The following CERS5 variants were observed in gnomAD, a reference collection of about 807,000 sequenced individuals.
CERS5 encodes LAG1 homolog, ceramide synthase 5.
A neutral mutation model predicts 58.9 loss-of-function variants in CERS5; 37 were observed. That is an observed-to-expected ratio of 0.63 (90% CI 0.48 to 0.83). The LOEUF (loss-of-function observed/expected upper bound fraction) is 0.83. Among genes scored for constraint, CERS5 ranks in the 40% least tolerant of loss-of-function variants. CERS5 has a pLI of 0.00. For synonymous variants in CERS5, 147 were observed against 177.8 expected, an observed-to-expected ratio of 0.83 and a Z score of 1.38; for missense variants, 398 against 489.3, an observed-to-expected ratio of 0.81 and a Z score of 1.76.
At chr12:50,142,856 C>G (rs1270682829) in intron 3 of CERS5, among the ~76,000 whole-genome samples, 1 of 152,136 alleles carries the variant, frequency 6.6e-6, no homozygotes, top group Admixed American at 6.5e-5. Flanking sequence ...GAAAAGGGAA[C>G]AAAATAGAAC....
At chr12:50,145,636 T>G (rs7138945) in intron 1 of CERS5, among the ~76,000 whole-genome samples, 52,083 of 151,846 alleles carry the variant, frequency 0.34, 9,194 homozygotes, top group Middle Eastern at 0.4. Flanking sequence ...TTTAGCCACA[T>G]CTGTAACACA....
chr12:50,156,819 G>A (rs941921840), intron 1 of CERS5, among the ~76,000 whole-genome samples: 2 of 152,202 alleles, frequency 1.3e-5, no homozygotes, highest in Non-Finnish European at 2.9e-5. Flanking sequence ...GGCTGAGGCA[G>A]GTGGACTGAT....
intron 9 of CERS5, 79 bp downstream of exon 9, chr12:50,134,467 G>A (rs1415464654): frequency 6.2e-7 from 1 of 1,611,760 alleles, no homozygotes; most frequent in South Asian, 1.1e-5. Flanking sequence ...GGGCTCACCA[G>A]GTTTGATGGA....
At chr12:50,133,239 G>A in intron 9 of CERS5, 2 of 1,085,098 alleles carry the variant, frequency 1.8e-6, no homozygotes, top group Non-Finnish European at 2.3e-6. Context: ...ACCTGCTCAA[G>A]CAGAGCCCCT....
intron 1 of CERS5, chr12:50,148,399 C>G (rs867783851): frequency 5.0e-6 from 1 of 200,068 alleles, no homozygotes; most frequent in Non-Finnish European, 1.1e-5. Flanking sequence ...AGTTCAAGAC[C>G]AGGCTGGCCA....
chr12:50,130,595 C>T lies in CERS5; in HGVS notation c.1129G>A (p.Ala377Thr). 1 of 1,612,796 alleles carries T rather than the reference C, an allele frequency of 6.2e-7. No individual in the cohort carries two copies. The highest frequency in any genetic ancestry group is 8.5e-7 in the Non-Finnish European group (1 of 1,178,894). Residue 377 changes from alanine to threonine, a missense_variant, in exon 10 of 10, where the codon GCC becomes ACC. Coordinates refer to ENST00000317551, the MANE Select transcript of CERS5 (RefSeq NM_147190.5). ...CCCATGTGACCATTCACCCGATTGG[C>T]ACCATTGCTGGAGCTACTGTCACAG... is the stretch of plus-strand genomic sequence containing the variant. The part of the protein sequence containing the change: ...SPCDSSSSNG[A>T]NRVNGHMGGS...
Position 50,134,332 on chromosome 12 carries a change from C to T in CERS5, c.1029+214G>A. ...GAGGCTGCAGTAAGCTATGATCATG[C>T]CACTGAACTCCAGCCTGGGTGACAG... On this transcript the variant is annotated intron_variant, in intron 9 of 9. Transcript: ENST00000317551. 2.4e-6 allele frequency: 3 copies of T among 1,276,556 alleles called. No homozygotes were observed. The African/African-American group carries it at 4.5e-5, about 19-fold the overall frequency. 79.1% of individuals were successfully genotyped at this position (1,276,556 alleles called of 1,614,324 possible).
chr12:50,148,927 AAT>A lies in CERS5; in HGVS notation c.198-4872_198-4871del, dbSNP rs773368671. ...CTCAAAAAAAAAAAAAAAAAAAAAA[AAT>A]ATATATATATATATATATGTGTGTG... is the stretch of plus-strand genomic sequence containing the variant. On this transcript the variant is annotated intron_variant, in intron 1 of 9. Transcript: ENST00000317551. Among the ~76,000 whole-genome samples, 449 of 48,018 alleles carry A rather than the reference AAT, an allele frequency of 9.4e-3. 7 individuals carry two copies. The highest frequency in any genetic ancestry group is 0.034 in the Middle Eastern group (2 of 58). The allele number at this position is 48,018 out of a possible 152,430, so 31.5% of individuals were successfully genotyped here. A position where few individuals can be genotyped will look rare whatever the true frequency, so the allele number is the denominator to read the frequency against.
At chr12:50,157,213 C>T (rs1047988042) in intron 1 of CERS5, among the ~76,000 whole-genome samples, 1 of 152,000 alleles carries the variant, frequency 6.6e-6, no homozygotes, top group African/African-American at 2.4e-5. Flanking sequence ...TTCCTTGCTC[C>T]TCAGTGTGCA....
At chr12:50,154,577 G>C (rs1938358872) in intron 1 of CERS5, among the ~76,000 whole-genome samples, 1 of 152,152 alleles carries the variant, frequency 6.6e-6, no homozygotes, top group Non-Finnish European at 1.5e-5. Context: ...AGATATTAAA[G>C]AGATTTGCAA....
chr12:50,162,595 A>C (rs1242220485), intron 1 of CERS5, among the ~76,000 whole-genome samples: 7 of 150,346 alleles, frequency 4.7e-5, no homozygotes, highest in East Asian at 3.9e-4. Flanking sequence ...ATACCTCTTT[A>C]TCTCTCTCTC....
chr12:50,146,805 C>T (rs1293268837), intron 1 of CERS5, among the ~76,000 whole-genome samples: 1 of 148,322 alleles, frequency 6.7e-6, no homozygotes, highest in East Asian at 2.0e-4. Context: ...CGAGATCGCG[C>T]CACTGCACTC....
Position 50,149,914 on chromosome 12 carries a change from T to C in CERS5, c.198-5857A>G, listed in dbSNP as rs541775712. Among the ~76,000 whole-genome samples, 7 of 152,236 alleles carry C rather than the reference T, an allele frequency of 4.6e-5. No homozygotes were observed. In the East Asian group the frequency reaches 1.4e-3, roughly 29 times the overall value. ...TGCACCACCATGCCCAGCTAATTTT[T>C]GTATTTTTAGTAGAGACGGGGTTTC... On this transcript the variant is annotated intron_variant, in intron 1 of 9. Transcript: ENST00000317551.
At chr12:50,138,165 T>A (rs1951785403) in intron 5 of CERS5, among the ~76,000 whole-genome samples, 1 of 152,164 alleles carries the variant, frequency 6.6e-6, no homozygotes, top group Non-Finnish European at 1.5e-5. Flanking sequence ...CTTTAGCAGT[T>A]CCTAGACATA....
At chr12:50,131,277 C>G (rs565253381) in intron 9 of CERS5, among the ~76,000 whole-genome samples, 24 of 152,214 alleles carry the variant, frequency 1.6e-4, no homozygotes, top group Admixed American at 1.5e-3. Context: ...TTCAGCATCC[C>G]TGGCTGGGCG....
intron 1 of CERS5, among the ~76,000 whole-genome samples, chr12:50,154,709 T>C (rs561729241): frequency 4.0e-4 from 61 of 152,196 alleles, no homozygotes; most frequent in Non-Finnish European, 7.8e-4. Context: ...TCTCCCTTTT[T>C]GTGGAGAACG....
chr12:50,146,827 AC>A (rs1290491609), intron 1 of CERS5, among the ~76,000 whole-genome samples: 1 of 144,172 alleles, frequency 6.9e-6, no homozygotes, highest in Non-Finnish European at 1.5e-5. Flanking sequence ...AGCCTGGGCG[AC>A]AAAGTGAGAC....
intron 1 of CERS5, chr12:50,165,130 CAA>C (rs1939724989): frequency 6.6e-6 from 1 of 151,938 alleles, no homozygotes. Context: ...CGTAAAAAGA[CAA>C]AACAAGGCCG....
At chr12:50,161,784 G>GAAAAAAAAAAGAAA (rs1939296391) in intron 1 of CERS5, among the ~76,000 whole-genome samples, 1 of 90,862 alleles carries the variant, frequency 1.1e-5, no homozygotes, top group African/African-American at 4.6e-5. Context: ...CTCAAAAAAA[G>GAAAAAAAAAAGAAA]AAAAAAAAAA....
Sources: allele counts gnomAD v4.1 joint callset (sites outside exome capture counted in the v4.1 genomes callset), GRCh38; gene constraint gnomAD v4.1.1; transcripts MANE v1.5; gene names NCBI Gene and HGNC (gene_info 2026-07-23, HGNC 2026-07-21).